The following NOS1AP variants were observed in gnomAD, a reference collection of about 807,000 sequenced individuals.
NOS1AP encodes the protein nitric oxide synthase 1 adaptor protein, also known as carboxyl-terminal PDZ ligand of neuronal nitric oxide synthase protein.
Under a neutral mutation model 56.2 loss-of-function variants are expected in NOS1AP, and 21 were observed. The observed-to-expected ratio is 0.37, with a 90% CI of 0.26 to 0.54. The LOEUF (loss-of-function observed/expected upper bound fraction) is 0.54, where lower values mean the gene tolerates loss of function less well. Among genes scored for constraint, NOS1AP ranks in the 20% least tolerant of loss-of-function variants. The probability of loss-of-function intolerance (pLI) is 0.84; values close to 1 mark genes in which losing one functional copy is unlikely to be tolerated. For synonymous variants in NOS1AP, 270 were observed against 274.6 expected (o/e 0.98, Z 0.17); for missense variants, 522 against 657.8 (o/e 0.79, Z 2.26).
At chr1:162,293,564 T>C (rs1459557627) in intron 3 of NOS1AP, among the ~76,000 whole-genome samples, 2 of 152,208 alleles carry the variant, frequency 1.3e-5, no homozygotes, top group African/African-American at 4.8e-5. Flanking sequence ...GGCTGTGAAT[T>C]TCCATGGAGG....
intron 1 of NOS1AP, among the ~76,000 whole-genome samples, chr1:162,140,509 G>C (rs902764296): frequency 6.6e-6 from 1 of 152,092 alleles, no homozygotes; most frequent in African/African-American, 2.4e-5. Flanking sequence ...AGCATTCTGT[G>C]GTGCATATGT....
At chr1:162,073,634 A>G (rs927134726) in intron 1 of NOS1AP, among the ~76,000 whole-genome samples, 3 of 152,042 alleles carry the variant, frequency 2.0e-5, no homozygotes, top group Admixed American at 6.5e-5. Flanking sequence ...CTAATTTTGT[A>G]TTTTTTGTAG....
chr1:162,350,042 T>C (rs2101813627), intron 6 of NOS1AP, among the ~76,000 whole-genome samples: 1 of 152,348 alleles, frequency 6.6e-6, no homozygotes, highest in South Asian at 2.1e-4. Flanking sequence ...TCCCAGAGCA[T>C]TTTTGACTCT....
chr1:162,140,179 C>A (rs1649177493), intron 1 of NOS1AP, among the ~76,000 whole-genome samples: 1 of 152,154 alleles, frequency 6.6e-6, no homozygotes, highest in African/African-American at 2.4e-5. Flanking sequence ...CCAGAGAAGA[C>A]CTTTGCCTGC....
At chr1:162,299,102 G>T (rs992592280) in intron 3 of NOS1AP, among the ~76,000 whole-genome samples, 1 of 152,124 alleles carries the variant, frequency 6.6e-6, no homozygotes, top group Non-Finnish European at 1.5e-5. Flanking sequence ...CAATGATATT[G>T]GATGTTTACA....
chr1:162,344,662 G>T (rs1034763320), intron 6 of NOS1AP, among the ~76,000 whole-genome samples: 2 of 149,382 alleles, frequency 1.3e-5, no homozygotes, highest in African/African-American at 5.0e-5. Context: ...AGTGAGCCAA[G>T]ATTGTGCCAC....
chr1:162,292,356 T>C (rs1236931122), intron 3 of NOS1AP, among the ~76,000 whole-genome samples: 3 of 152,230 alleles, frequency 2.0e-5, no homozygotes, highest in Non-Finnish European at 2.9e-5. Flanking sequence ...CTGATGTAAG[T>C]AGTTACACAC....
chr1:162,178,476 T>C (rs1651140679), intron 2 of NOS1AP, among the ~76,000 whole-genome samples: 1 of 152,232 alleles, frequency 6.6e-6, no homozygotes. Context: ...TGGTGCTAGT[T>C]GCTAATATAT....
intron 4 of NOS1AP, among the ~76,000 whole-genome samples, chr1:162,321,639 A>G (rs1656415712): frequency 6.6e-6 from 1 of 151,714 alleles, no homozygotes; most frequent in Non-Finnish European, 1.5e-5. Flanking sequence ...TCATGGGTGC[A>G]GCACACCAAC....
At chr1:162,360,857 A>G (rs1320037154) in intron 8 of NOS1AP, 2 of 456,584 alleles carry the variant, frequency 4.4e-6, no homozygotes, top group Non-Finnish European at 8.8e-6. Context: ...TGCCATTTCC[A>G]TGTGCCTGCT....
chr1:162,099,878 C>T lies in NOS1AP; in HGVS notation c.105+29596C>T, dbSNP rs1408559529. On this transcript the variant is annotated intron_variant, in intron 1 of 9. Coordinates refer to ENST00000361897, the MANE Select transcript of NOS1AP (RefSeq NM_014697.3). ...ATTCCCACCTATGAGTGAGAACATG[C>T]GGTGTTTGGTTTTTTGTCCTTGCGA... Among the ~76,000 whole-genome samples, 41 of 151,412 alleles carry T rather than the reference C, an allele frequency of 2.7e-4. 1 individual carries two copies. In the South Asian group the frequency reaches 5.7e-3, roughly 21 times the overall value.
intron 2 of NOS1AP, among the ~76,000 whole-genome samples, chr1:162,214,119 C>T (rs1338314701): frequency 2.0e-5 from 3 of 152,142 alleles, no homozygotes; most frequent in African/African-American, 7.2e-5. Context: ...AAATTGAATT[C>T]AATTAAATGC....
intron 1 of NOS1AP, among the ~76,000 whole-genome samples, chr1:162,148,754 C>T (rs944050732): frequency 2.0e-5 from 3 of 152,140 alleles, no homozygotes; most frequent in Non-Finnish European, 4.4e-5. Flanking sequence ...ACTCTGGCAG[C>T]TTCATGGAGA....
chr1:162,241,879 T>A (rs1653499072), intron 2 of NOS1AP, among the ~76,000 whole-genome samples: 1 of 152,220 alleles, frequency 6.6e-6, no homozygotes, highest in East Asian at 1.9e-4. Flanking sequence ...TCTTACTTTT[T>A]CAGCAACCCT....
chr1:162,328,038 C>T (rs1407398383), intron 4 of NOS1AP, among the ~76,000 whole-genome samples: 1 of 152,128 alleles, frequency 6.6e-6, no homozygotes, highest in Non-Finnish European at 1.5e-5. Flanking sequence ...TTGCCTCAGG[C>T]CAGCAGCTAG....
Position 162,286,813 on chromosome 1 carries a change from G to A in NOS1AP, c.178-531G>A, listed in dbSNP as rs915051090. ...TAGATGTGCCAAAATCTTCAGGCTA[G>A]CAGGGCTGTGGGTAGACTTGTAGAC... On this transcript the variant is annotated intron_variant, in intron 2 of 9. Coordinates refer to ENST00000361897, the MANE Select transcript of NOS1AP (RefSeq NM_014697.3). Among the ~76,000 whole-genome samples the A allele has an allele frequency of 2.6e-5, 4 of 152,190 alleles. No individual in the cohort carries two copies. The South Asian group carries it at 8.3e-4, about 31-fold the overall frequency.
chr1:162,326,142 T>G (rs1480509115), intron 4 of NOS1AP, among the ~76,000 whole-genome samples: 1 of 152,194 alleles, frequency 6.6e-6, no homozygotes, highest in East Asian at 1.9e-4. Flanking sequence ...AATAATTTGC[T>G]CAAGGCCCCT....
chr1:162,365,342 G>A (rs779397282), intron 8 of NOS1AP, 62 bp from the exon 9 acceptor site: 6 of 1,610,848 alleles, frequency 3.7e-6, no homozygotes, highest in African/African-American at 2.7e-5. Flanking sequence ...TGACTCTCAT[G>A]TGCATTCATG....
intron 3 of NOS1AP, among the ~76,000 whole-genome samples, chr1:162,293,600 A>C (rs1655344773): frequency 6.6e-6 from 1 of 152,220 alleles, no homozygotes; most frequent in Admixed American, 6.5e-5. Flanking sequence ...TCAACAGATT[A>C]AGGAAAGAGA....
Sources: allele counts gnomAD v4.1 joint callset (sites outside exome capture counted in the v4.1 genomes callset), GRCh38; gene constraint gnomAD v4.1.1; transcripts MANE v1.5; gene names NCBI Gene and HGNC (gene_info 2026-07-23, HGNC 2026-07-21).